Variants in TRAPPC8 observed in about 807,000 individuals in gnomAD.
TRAPPC8 encodes general sporulation gene 1 homolog.
In TRAPPC8, 54 loss-of-function variants were observed where a neutral mutation model predicts 174.3. That is an observed-to-expected ratio of 0.31 (90% CI 0.25 to 0.39). The LOEUF (loss-of-function observed/expected upper bound fraction) is 0.39. TRAPPC8 is among the 10% of genes least tolerant of loss of function. The pLI, the probability that TRAPPC8 is intolerant of heterozygous loss-of-function variation, is 1.00. For missense variants in TRAPPC8, 1,531 were observed against 1,699.1 expected (o/e 0.90, Z 1.74); for synonymous variants, 630 against 579.9 (o/e 1.09, Z -1.24).
chr18:31,830,820 C>T lies in TRAPPC8; in HGVS notation c.4243G>A (p.Val1415Ile), dbSNP rs1489969678. The change falls in exon 29 of 29, where the codon GTT becomes ATT. Residue 1415 changes from valine (V) to isoleucine (I), a missense_variant. By Grantham distance (29) the Val-to-Ile change is conservative. Coordinates refer to ENST00000283351, the MANE Select transcript of TRAPPC8 (RefSeq NM_014939.5). ...TGCTGACTTGTTTCAAACACTGTAA[C>T]TTGGTCCGATAACTTGGCAAATACC... ...PRVFAKLSDQ[V>I]TVFETSQQNS... The T allele has an allele frequency of 1.2e-6, 2 of 1,614,062 alleles. No individual in the cohort carries two copies. Among genetic ancestry groups the T allele is most frequent in the Non-Finnish European group, 1.7e-6 (2 of 1,180,046 alleles).
chr18:31,879,240 CA>C (rs1415317610), intron 12 of TRAPPC8, among the ~76,000 whole-genome samples: 1 of 152,078 alleles, frequency 6.6e-6, no homozygotes, highest in Non-Finnish European at 1.5e-5. Flanking sequence ...AAGCAAGTCT[CA>C]AAAAATTTTA....
intron 12 of TRAPPC8, among the ~76,000 whole-genome samples, chr18:31,885,557 T>A (rs1286996158): frequency 2.6e-5 from 4 of 152,036 alleles, no homozygotes; most frequent in African/African-American, 9.7e-5. Context: ...AGTTCTTGTT[T>A]CTAGAAAATA....
At chr18:31,917,147 C>A (rs1351242695) in intron 3 of TRAPPC8, among the ~76,000 whole-genome samples, 1 of 151,532 alleles carries the variant, frequency 6.6e-6, no homozygotes, top group Non-Finnish European at 1.5e-5. Flanking sequence ...GAAAACTAAG[C>A]CACAATCATA....
intron 12 of TRAPPC8, 101 bp from the exon 13 acceptor site, chr18:31,874,805 C>A: frequency 1.0e-6 from 1 of 961,354 alleles, no homozygotes; most frequent in South Asian, 1.7e-5. Context: ...GTAACTGGTT[C>A]TTCCTCTAAG....
rs201787126 is a variant in TRAPPC8 at position 31,908,736 on chromosome 18, C to G, written c.1122+18G>C. 2.6e-5 allele frequency: 39 copies of G among 1,513,392 alleles called. No individual in the cohort carries two copies. In the East Asian group the frequency reaches 8.0e-4, roughly 31 times the overall value. 93.7% of individuals were successfully genotyped at this position (1,513,392 alleles called of 1,614,324 possible). On this transcript the variant is annotated intron_variant, in intron 7 of 28. Coordinates refer to ENST00000283351, the MANE Select transcript of TRAPPC8 (RefSeq NM_014939.5). ...TACTTAAATTTTTAAAATACTAATCCAAAAAATCAAACCTTACCTGATCGT... is the reference window on the plus strand; with the variant it reads ...TACTTAAATTTTTAAAATACTAATCGAAAAAATCAAACCTTACCTGATCGT...
chr18:31,869,630 G>A (rs574419558), intron 16 of TRAPPC8, among the ~76,000 whole-genome samples: 31 of 152,270 alleles, frequency 2.0e-4, no homozygotes, highest in Middle Eastern at 3.4e-3. Context: ...AACTATCAAA[G>A]ATAGTAAAAT....
chr18:31,932,719 C>T (rs565382931), intron 1 of TRAPPC8, among the ~76,000 whole-genome samples: 10 of 152,094 alleles, frequency 6.6e-5, no homozygotes, highest in East Asian at 1.9e-4. Context: ...CAGTGGCTCA[C>T]GCCTGTAATC....
chr18:31,898,934 A>G (rs1012443938), intron 10 of TRAPPC8, among the ~76,000 whole-genome samples: 2 of 152,234 alleles, frequency 1.3e-5, no homozygotes, highest in African/African-American at 2.4e-5. Flanking sequence ...AAGCTTGCTA[A>G]CTTGAATTTA....
At chr18:31,894,318 A>G (rs2145384355) in intron 11 of TRAPPC8, among the ~76,000 whole-genome samples, 1 of 152,344 alleles carries the variant, frequency 6.6e-6, no homozygotes, top group African/African-American at 2.4e-5. Flanking sequence ...AACTGGTATC[A>G]GTGTTGATGG....
intron 19 of TRAPPC8, among the ~76,000 whole-genome samples, chr18:31,862,230 T>A (rs538627851): frequency 6.6e-6 from 1 of 152,106 alleles, no homozygotes; most frequent in Non-Finnish European, 1.5e-5. Flanking sequence ...CCAATGCAAT[T>A]CTAATCAAAA....
chr18:31,926,846 C>T (rs2037636206), intron 2 of TRAPPC8, among the ~76,000 whole-genome samples: 2 of 152,064 alleles, frequency 1.3e-5, no homozygotes, highest in South Asian at 4.1e-4. Flanking sequence ...TGAATATTAA[C>T]CAAAAACTAT....
At chr18:31,914,740 C>A (rs1414925679) in intron 4 of TRAPPC8, among the ~76,000 whole-genome samples, 1 of 152,200 alleles carries the variant, frequency 6.6e-6, no homozygotes, top group Non-Finnish European at 1.5e-5. Flanking sequence ...ATCTGCTCCA[C>A]ACCTTGCACC....
chr18:31,875,257 GACTT>G (rs1176632482), intron 12 of TRAPPC8, among the ~76,000 whole-genome samples: 2 of 151,266 alleles, frequency 1.3e-5, no homozygotes, highest in African/African-American at 2.4e-5. Flanking sequence ...TACGATCAGA[GACTT>G]ACATTGAATG....
intron 21 of TRAPPC8, among the ~76,000 whole-genome samples, chr18:31,854,524 T>C (rs180840088): frequency 6.6e-6 from 1 of 152,182 alleles, no homozygotes; most frequent in African/African-American, 2.4e-5. Context: ...GCCCTAAATA[T>C]CCTAGAAAGC....
chr18:31,886,373 C>T (rs1335198694), intron 12 of TRAPPC8, among the ~76,000 whole-genome samples: 2 of 147,998 alleles, frequency 1.4e-5, no homozygotes, highest in Non-Finnish European at 3.0e-5. Flanking sequence ...AAAAGGCAAC[C>T]CTATCTTTAG....
At chr18:31,881,625 C>CA (rs1028500645) in intron 12 of TRAPPC8, among the ~76,000 whole-genome samples, 1 of 152,032 alleles carries the variant, frequency 6.6e-6, no homozygotes, top group Non-Finnish European at 1.5e-5. Flanking sequence ...GCAATGCCAA[C>CA]AAAAACAAAA....
In TRAPPC8 at chr18:31,864,635, G is replaced by A. The variant is rs1037905725; in HGVS notation, c.2737C>T (p.Leu913=). ...LDPIITEEMP[L]LEVFFIHFPT... ...TTTAAAAAGTGAAATACCTCCAACA[G>A]TGGCATTTCTTCTGTGATTATGGGA... The change falls in exon 19 of 29, where the codon CTG becomes TTG. Residue 913 remains leucine (L), a synonymous_variant. Coordinates refer to ENST00000283351, the MANE Select transcript of TRAPPC8 (RefSeq NM_014939.5). The A allele has an allele frequency of 1.2e-6, 2 of 1,611,508 alleles. No homozygotes were observed. The highest frequency in any genetic ancestry group is 2.7e-5 in the African/African-American group (2 of 74,774).
At chr18:31,897,683 T>C (rs1012811672) in intron 11 of TRAPPC8, 103 bp downstream of exon 11, 7 of 794,596 alleles carry the variant, frequency 8.8e-6, no homozygotes, top group Admixed American at 8.1e-5. Flanking sequence ...CAGATTTCCC[T>C]GGCTAATTTT....
At chr18:31,929,687 T>G (rs548996228) in intron 2 of TRAPPC8, among the ~76,000 whole-genome samples, 1 of 152,094 alleles carries the variant, frequency 6.6e-6, no homozygotes, top group South Asian at 2.1e-4. Flanking sequence ...TAAATAAAAA[T>G]AAAAAGAAAC....
Sources: gnomAD v4.1 joint callset for allele counts (sites outside exome capture counted in the v4.1 genomes callset) on GRCh38, gnomAD v4.1.1 for gene constraint, MANE v1.5 for transcripts, NCBI Gene and HGNC (gene_info 2026-07-23, HGNC 2026-07-21) for gene names.